The following EPHA10 variants were observed in gnomAD, a reference collection of about 807,000 sequenced individuals.
EPHA10 encodes EPH receptor A10, also known as ephrin type-A receptor 10.
In EPHA10, 120 loss-of-function variants were observed where a neutral mutation model predicts 109.7. The ratio of observed to expected loss-of-function variants is 1.09; its 90% CI spans 0.94 to 1.27. The LOEUF is 1.27. EPHA10 is among the 50% of genes most tolerant of loss of function. The probability of loss-of-function intolerance (pLI) is 0.00; values close to 1 mark genes in which losing one functional copy is unlikely to be tolerated. For missense variants in EPHA10, 1,396 were observed against 1,411.1 expected, an observed-to-expected ratio of 0.99 and a Z score of 0.17; for synonymous variants, 640 against 618.9, an observed-to-expected ratio of 1.03 and a Z score of -0.51.
chr1:37,735,482 G>A, intron 5 of EPHA10, 92 bp from the exon 6 acceptor site: 1 of 1,464,852 alleles, frequency 6.8e-7, no homozygotes, highest in South Asian at 1.4e-5. Flanking sequence ...CGGGGCTGTG[G>A]GACCGGACTA....
At chr1:37,742,398 G>C (rs1646168306) in intron 5 of EPHA10, among the ~76,000 whole-genome samples, 1 of 152,228 alleles carries the variant, frequency 6.6e-6, no homozygotes, top group African/African-American at 2.4e-5. Context: ...TTACAATCCA[G>C]TTCTGGCCAA....
chr1:37,759,179 T>C (rs1473333068), intron 3 of EPHA10, among the ~76,000 whole-genome samples: 1 of 152,190 alleles, frequency 6.6e-6, no homozygotes, highest in Non-Finnish European at 1.5e-5. Context: ...GCATGTCAGA[T>C]CCCTGCTTCA....
At chr1:37,724,951 C>T (rs1645863525) in intron 8 of EPHA10, among the ~76,000 whole-genome samples, 2 of 152,176 alleles carry the variant, frequency 1.3e-5, no homozygotes, top group Admixed American at 1.3e-4. Context: ...CAGAGGGGAA[C>T]ATTAGGAGTA....
Position 37,723,073 on chromosome 1 carries a change from T to C in EPHA10, c.1928A>G (p.Lys643Arg). The C allele has an allele frequency of 6.2e-7, 1 of 1,614,204 alleles. No homozygotes were observed. Among genetic ancestry groups the C allele is most frequent in the South Asian group, 1.1e-5 (1 of 91,084 alleles). Reference sequence around the variant, plus strand: ...AAGGCTCCTCTCCAGCGTGACGCTTTTCGCATCCAGTTCCTTGGCGAACAG... The same window carrying C: ...AAGGCTCCTCTCCAGCGTGACGCTTCTCGCATCCAGTTCCTTGGCGAACAG... ...VHLFAKELDA[K>R]SVTLERSLGG... is the part of the protein sequence containing the mutation. Residue 643 changes from lysine to arginine, a missense_variant, in exon 10 of 17, where the codon AAA becomes AGA. Transcript: ENST00000373048.
rs1439321993 is a variant in EPHA10 at position 37,720,360 on chromosome 1, G to A, written c.2403C>T (p.Tyr801=). The change falls in exon 13 of 17, where the codon TAC becomes TAT. Residue 801 remains tyrosine, a synonymous_variant. Transcript: ENST00000373048. ...RGPRDRSEAV[Y]TTMSGRSPAL... Reference sequence around the variant, plus strand: ...CTGGGGGCGCCCTCACCATAGTGGTGTAGACAGCCTCTGATCGGTCCCGGG... The same window carrying A: ...CTGGGGGCGCCCTCACCATAGTGGTATAGACAGCCTCTGATCGGTCCCGGG... The A allele has an allele frequency of 3.1e-6, 5 of 1,607,206 alleles. No homozygotes were observed. The highest frequency in any genetic ancestry group is 4.2e-6 in the Non-Finnish European group (5 of 1,177,742).
At position 37,754,537 on chromosome 1, in the gene EPHA10, C is replaced by G. The variant is rs1384054349; in HGVS notation, c.851-167G>C. On this transcript the variant is annotated intron_variant, in intron 3 of 16. Coordinates refer to ENST00000373048, the MANE Select transcript of EPHA10 (RefSeq NM_001099439.2). This position sits in a 1 kb window ranked among gnomAD's most constrained non-coding sequence, Gnocchi z 4.5. ...CCCGTGGAGTGACTCCTGAACAACC[C>G]ATTACCTACCCTTAGAAAACGCTGT... Among the ~76,000 whole-genome samples the G allele has an allele frequency of 6.6e-6, 1 of 152,156 alleles. No individual in the cohort carries two copies. Among genetic ancestry groups the G allele is most frequent in the African/African-American group, 2.4e-5 (1 of 41,426 alleles).
In EPHA10 at chr1:37,720,044, T is replaced by C; in HGVS notation, c.2427A>G (p.Pro809=). 6.2e-7 allele frequency: 1 copy of C among 1,613,424 alleles called. No individual in the cohort carries two copies. Among genetic ancestry groups the C allele is most frequent in the South Asian group, 1.1e-5 (1 of 91,060 alleles). ...GTGTCTCGGGAGCGGCCCATAGCGCTGGGCTCCGGCCACTCTGTAGGGGCA... is the reference window on the plus strand; with the variant it reads ...GTGTCTCGGGAGCGGCCCATAGCGCCGGGCTCCGGCCACTCTGTAGGGGCA... ...AVYTTMSGRS[P]ALWAAPETLQ... is the part of the protein sequence containing the mutation. The change falls in exon 14 of 17, where the codon CCA becomes CCG. Residue 809 remains proline (P), a synonymous_variant. Transcript: ENST00000373048.
At position 37,761,436 on chromosome 1, in the gene EPHA10, C is replaced by G. The variant is rs753228214; in HGVS notation, c.819G>C (p.Ala273=). 8 of 1,599,518 alleles carry G rather than the reference C, an allele frequency of 5.0e-6. No homozygotes were observed. Among genetic ancestry groups the G allele is most frequent in the Non-Finnish European group, 6.8e-6 (8 of 1,179,752 alleles). Residue 273 remains alanine, a synonymous_variant, in exon 3 of 17, where the codon GCG becomes GCC. Coordinates refer to ENST00000373048, the MANE Select transcript of EPHA10 (RefSeq NM_001099439.2). Reference sequence around the variant, plus strand: ...AGAAGTCACCACGCTCCTGGAATCCCGCGCTGCAGCTGCAGCGGCCCACAG... The same window carrying G: ...AGAAGTCACCACGCTCCTGGAATCCGGCGCTGCAGCTGCAGCGGCCCACAG... ...LVPVGRCSCS[A]GFQERGDFCE...
chr1:37,721,172 C>G (rs11584624), intron 11 of EPHA10, among the ~76,000 whole-genome samples: 12,177 of 151,440 alleles, frequency 0.08, 537 homozygotes, highest in Middle Eastern at 0.16. Context: ...GTAATCCCAG[C>G]ACTTTGGGAG....
chr1:37,725,962 C>T (rs891526731), intron 8 of EPHA10, among the ~76,000 whole-genome samples: 3 of 152,194 alleles, frequency 2.0e-5, no homozygotes, highest in Non-Finnish European at 4.4e-5. Flanking sequence ...CACCTCTCTA[C>T]CCCTCCACAC....
chr1:37,758,268 C>T (rs1646406297), intron 3 of EPHA10, among the ~76,000 whole-genome samples: 1 of 152,222 alleles, frequency 6.6e-6, no homozygotes, highest in Non-Finnish European at 1.5e-5. Flanking sequence ...CATATACACA[C>T]TTGGTATCCC....
rs143310845 is a variant in EPHA10 at position 37,761,655 on chromosome 1, C to A, written c.600G>T (p.Ala200=). 1.9e-6 allele frequency: 3 copies of A among 1,608,126 alleles called. No homozygotes were observed. The highest frequency in any genetic ancestry group is 1.7e-5 in the Admixed American group (1 of 60,016). ...TGTAGTAGACGCGCACCGAGACAAGCGCCACGCATGCGCCCACGTCCTGAA... is the reference window on the plus strand; with the variant it reads ...TGTAGTAGACGCGCACCGAGACAAGAGCCACGCATGCGCCCACGTCCTGAA... ...LAFQDVGACV[A]LVSVRVYYKQ... The change falls in exon 3 of 17, where the codon GCG becomes GCT. Residue 200 remains alanine, a synonymous_variant. Coordinates refer to ENST00000373048, the MANE Select transcript of EPHA10 (RefSeq NM_001099439.2).
chr1:37,752,089 TAGGA>T (rs1350492295), intron 5 of EPHA10, among the ~76,000 whole-genome samples: 1 of 151,978 alleles, frequency 6.6e-6, no homozygotes, highest in Non-Finnish European at 1.5e-5. Context: ...TAGGCTCGAT[TAGGA>T]AGGGAGTCAG....
chr1:37,733,590 T>C (rs1646024496), intron 6 of EPHA10, among the ~76,000 whole-genome samples: 1 of 152,172 alleles, frequency 6.6e-6, no homozygotes. Context: ...CTTGGGGCTC[T>C]TGTCTATACC....
chr1:37,726,338 C>T (rs180905519), intron 8 of EPHA10, among the ~76,000 whole-genome samples: 1 of 152,352 alleles, frequency 6.6e-6, no homozygotes, highest in Admixed American at 6.5e-5. Context: ...CACTCAGTCA[C>T]TTTCAGTGCC....
At position 37,754,447 on chromosome 1, in the gene EPHA10, C is replaced by G. The variant is rs1472611985; in HGVS notation, c.851-77G>C. ...TTCCTGACTGGCCTGGTTAGGGCAG[C>G]GTTTATCTCCTCCAATTGCGATAGA... is the stretch of plus-strand genomic sequence containing the variant. On this transcript the variant is annotated intron_variant, in intron 3 of 16. Transcript: ENST00000373048. This position sits in a 1 kb window ranked among gnomAD's most constrained non-coding sequence, Gnocchi z 4.5. 4.1e-6 allele frequency: 5 copies of G among 1,216,828 alleles called. No individual in the cohort carries two copies. The highest frequency in any genetic ancestry group is 4.1e-6 in the Non-Finnish European group (4 of 965,682). The allele number at this position is 1,216,828 out of a possible 1,614,324, so 75.4% of individuals were successfully genotyped here.
chr1:37,718,192 G>A lies in EPHA10; in HGVS notation c.*180C>T, dbSNP rs1366412380. On this transcript the variant is annotated 3_prime_UTR_variant, in exon 17 of 17. Transcript: ENST00000373048. The stretch of plus-strand genomic sequence containing the variant: ...TGAGTTAGCCAAGGCGTTCAGACTC[G>A]TGAAAATGGGAGGGGCAGGCAGTGA... 2.4e-5 allele frequency: 15 copies of A among 612,316 alleles called. 1 individual carries two copies. The highest frequency in any genetic ancestry group is 1.2e-4 in the Admixed American group (4 of 32,732). The allele number at this position is 612,316 out of a possible 1,614,324, so 37.9% of individuals were successfully genotyped here.
rs549139315 is a variant in EPHA10 at position 37,743,376 on chromosome 1, C to T, written c.1358-7986G>A. Among the ~76,000 whole-genome samples the T allele has an allele frequency of 1.2e-4, 19 of 152,014 alleles. No homozygotes were observed. In the East Asian group the frequency reaches 1.7e-3, roughly 14 times the overall value. On this transcript the variant is annotated intron_variant, in intron 5 of 16. Transcript: ENST00000373048. The stretch of plus-strand genomic sequence containing the variant: ...AAAACAGGTGGAGAAGAAAAAGAAA[C>T]GAGATGAGATAAAAATGGAGAAACT...
At chr1:37,719,680 GCACACA>G in intron 14 of EPHA10, 73 bp from the exon 15 acceptor site, 5 of 1,522,180 alleles carry the variant, frequency 3.3e-6, no homozygotes, top group Non-Finnish European at 4.5e-6. Flanking sequence ...ACACACACAT[GCACACA>G]CACAGACACA....
Sources: allele counts gnomAD v4.1 joint callset (sites outside exome capture counted in the v4.1 genomes callset), GRCh38; gene constraint gnomAD v4.1.1; non-coding constraint Gnocchi (gnomAD v3.1); transcripts MANE v1.5; gene names NCBI Gene and HGNC (gene_info 2026-07-23, HGNC 2026-07-21).